Variants in CACNG6 observed in about 807,000 individuals in gnomAD.
The protein encoded by CACNG6 is voltage-dependent calcium channel gamma-6 subunit.
A neutral mutation model predicts 23.9 loss-of-function variants in CACNG6; 21 were observed. The ratio of observed to expected loss-of-function variants is 0.88; its 90% confidence interval spans 0.62 to 1.26. CACNG6 has a LOEUF of 1.26. CACNG6 is among the 50% of genes most tolerant of loss of function. The pLI is 0.00. For synonymous variants in CACNG6, 182 were observed against 168.9 expected (o/e 1.08, Z -0.60); for missense variants, 340 against 352.9 (o/e 0.96, Z 0.29).
At position 53,991,778 on chromosome 19, in the gene CACNG6, G is replaced by A. The variant is rs1467030436; in HGVS notation, c.-1100G>A. ...AGCCCCGAGGGGGGGCCCTGGCCTG[G>A]GGCTGAGCCTGGCGCGAACCCGACC... On this transcript the variant is annotated 5_prime_UTR_variant, in exon 1 of 4. Coordinates refer to ENST00000252729, the MANE Select transcript of CACNG6 (RefSeq NM_145814.2). Among the ~76,000 whole-genome samples, 1 of 152,104 alleles carries A rather than the reference G, an allele frequency of 6.6e-6. No homozygotes were observed. The highest frequency in any genetic ancestry group is 2.4e-5 in the African/African-American group (1 of 41,442).
chr19:53,992,022 TC>T lies in CACNG6; in HGVS notation c.-854del, dbSNP rs1401295282. 6.6e-6 allele frequency among the ~76,000 whole-genome samples: 1 copy of T among 152,116 alleles called. No homozygotes were observed. Among genetic ancestry groups the T allele is most frequent in the Non-Finnish European group, 1.5e-5 (1 of 68,004 alleles). ...GCCCCGTAGCCTCCCGCCTCTGGAC[TC>T]CACTCTGTCTTCCGGCCACCGGCCC... On this transcript the variant is annotated 5_prime_UTR_variant, in exon 1 of 4. Transcript: ENST00000252729. This position sits in a 1 kb window ranked among gnomAD's most constrained non-coding sequence, Gnocchi z 4.1.
chr19:53,991,838 A>G lies in CACNG6; in HGVS notation c.-1040A>G, dbSNP rs2069463802. 6.6e-6 allele frequency among the ~76,000 whole-genome samples: 1 copy of G among 152,086 alleles called. No individual in the cohort carries two copies. Among genetic ancestry groups the G allele is most frequent in the South Asian group, 2.1e-4 (1 of 4,826 alleles). ...CTGGGAGCCCGGGGGAGGGAGACGG[A>G]CTGATCCCGAAGGGGCGCAGCGTCT... On this transcript the variant is annotated 5_prime_UTR_variant, in exon 1 of 4. Transcript: ENST00000252729.
chr19:53,997,512 G>A (rs2069532446), intron 1 of CACNG6, among the ~76,000 whole-genome samples: 1 of 152,050 alleles, frequency 6.6e-6, no homozygotes, highest in South Asian at 2.1e-4. Flanking sequence ...GTACCTCAGA[G>A]TGCCTTCCCA....
chr19:53,992,481 G>T lies in CACNG6; in HGVS notation c.-397G>T, dbSNP rs542584707. 2 of 163,270 alleles carry T rather than the reference G, an allele frequency of 1.2e-5. No individual in the cohort carries two copies. Among genetic ancestry groups the T allele is most frequent in the East Asian group, 3.5e-4 (2 of 5,770 alleles). 10.1% of individuals were successfully genotyped at this position (163,270 alleles called of 1,614,324 possible). A position where few individuals can be genotyped will look rare whatever the true frequency, so the allele number is the denominator to read the frequency against. ...GACCCCAAAGCAGCCCCTTGGAGCT[G>T]CAGGGAGCTTCAGCGGGCACCAGTT... On this transcript the variant is annotated 5_prime_UTR_variant, in exon 1 of 4. Transcript: ENST00000252729. This position sits in a 1 kb window ranked among gnomAD's most constrained non-coding sequence, Gnocchi z 4.1.
Position 54,012,341 on chromosome 19 carries a change from T to A in CACNG6, c.*152T>A, listed in dbSNP as rs1278293548. On this transcript the variant is annotated 3_prime_UTR_variant, in exon 4 of 4. Transcript: ENST00000252729. Reference sequence around the variant, plus strand: ...TACACGCCTGCCTCCTGTCCCCTTATCCTTTCTCCCTCTGTAAATACGTTT... The same window carrying A: ...TACACGCCTGCCTCCTGTCCCCTTAACCTTTCTCCCTCTGTAAATACGTTT... The A allele has an allele frequency of 8.7e-6, 4 of 462,416 alleles. No homozygotes were observed. The highest frequency in any genetic ancestry group is 1.2e-5 in the Non-Finnish European group (3 of 259,804). The allele number at this position is 462,416 out of a possible 1,614,324, so 28.6% of individuals were successfully genotyped here.
chr19:53,999,839 C>T (rs535367933), intron 3 of CACNG6, 68 bp downstream of exon 3: 13 of 1,573,200 alleles, frequency 8.3e-6, no homozygotes, highest in Middle Eastern at 2.2e-4. Flanking sequence ...CTGTTGCATG[C>T]TGGGAGATGG....
intron 1 of CACNG6, among the ~76,000 whole-genome samples, chr19:53,996,448 AG>A (rs1415499820): frequency 2.0e-5 from 3 of 148,562 alleles, no homozygotes; most frequent in African/African-American, 7.5e-5. Flanking sequence ...GCTGGATTGC[AG>A]TGGTGCCATC....
chr19:53,996,061 G>C (rs2145954366), intron 1 of CACNG6, among the ~76,000 whole-genome samples: 1 of 152,358 alleles, frequency 6.6e-6, no homozygotes, highest in East Asian at 1.9e-4. Flanking sequence ...TACTTGGGGA[G>C]CGCCCGCCCA....
intron 1 of CACNG6, among the ~76,000 whole-genome samples, chr19:53,993,708 C>A (rs2069492409): frequency 1.3e-5 from 2 of 149,810 alleles, no homozygotes. Flanking sequence ...CACCCCCAGA[C>A]TAACATGCAC....
chr19:53,993,188 G>GC lies in CACNG6; in HGVS notation c.315dup (p.Ala106ArgfsTer13). ...GTGCCCGTGGACAGGGACACCTGCGGCCCCGCGGAGCTGCCCGGAGGTGAG... is the reference window on the plus strand; with the variant it reads ...GTGCCCGTGGACAGGGACACCTGCGGCCCCCGCGGAGCTGCCCGGAGGTGAG... On this transcript the variant is annotated frameshift_variant, in exon 1 of 4. Transcript: ENST00000252729. LOFTEE classifies it high-confidence loss of function. 6.5e-7 allele frequency: 1 copy of GC among 1,541,680 alleles called. No individual in the cohort carries two copies. Among genetic ancestry groups the GC allele is most frequent in the Non-Finnish European group, 8.7e-7 (1 of 1,145,792 alleles).
At chr19:54,001,063 A>T (rs1332584086) in intron 3 of CACNG6, among the ~76,000 whole-genome samples, 1 of 152,180 alleles carries the variant, frequency 6.6e-6, no homozygotes, top group Non-Finnish European at 1.5e-5. Flanking sequence ...ATTTCAGCTC[A>T]CTACAACCTC....
intron 2 of CACNG6, 64 bp downstream of exon 2, chr19:53,998,377 T>A (rs567203584): frequency 4.6e-5 from 67 of 1,448,384 alleles, no homozygotes; most frequent in Admixed American, 4.0e-4. Context: ...CTGGAGGAGT[T>A]CTAGAGAGAG....
chr19:54,011,430 C>CAAAAAAAAAAA (rs59105087), intron 3 of CACNG6, among the ~76,000 whole-genome samples: 1 of 100,582 alleles, frequency 9.9e-6, no homozygotes, highest in Admixed American at 1.1e-4. Flanking sequence ...GACTCCGTCT[C>CAAAAAAAAAAA]AAAAAAAAAA....
At chr19:54,011,749 A>C (rs1600067310) in intron 3 of CACNG6, among the ~76,000 whole-genome samples, 3 of 138,630 alleles carry the variant, frequency 2.2e-5, no homozygotes, top group South Asian at 4.6e-4. Flanking sequence ...TGTCTCTATG[A>C]CTTTGTGTCT....
chr19:54,009,548 G>A (rs572604044), intron 3 of CACNG6, among the ~76,000 whole-genome samples: 11 of 152,144 alleles, frequency 7.2e-5, no homozygotes, highest in East Asian at 3.9e-4. Context: ...CCTGGGAGGC[G>A]GAAGCTGCAA....
In CACNG6 at chr19:54,011,205, AATATAT is replaced by A. The variant is rs1555819785; in HGVS notation, c.545-728_545-723del. ...CCGTCTCTACTAAAAAAAAAAAAAA[AATATAT>A]ATATATATATATATATACACACACA... On this transcript the variant is annotated intron_variant, in intron 3 of 3. Coordinates refer to ENST00000252729, the MANE Select transcript of CACNG6 (RefSeq NM_145814.2). 4.4e-4 allele frequency among the ~76,000 whole-genome samples: 45 copies of A among 102,500 alleles called. 1 individual carries two copies. Among genetic ancestry groups the A allele is most frequent in the African/African-American group, 1.5e-3 (31 of 20,218 alleles). 67.2% of individuals were successfully genotyped at this position (102,500 alleles called of 152,430 possible).
At chr19:54,002,265 CG>C (rs1175203823) in intron 3 of CACNG6, among the ~76,000 whole-genome samples, 5 of 128,116 alleles carry the variant, frequency 3.9e-5, no homozygotes, top group African/African-American at 1.1e-4. Flanking sequence ...GGCTAATTTT[CG>C]GTTTTTTTGT....
intron 1 of CACNG6, among the ~76,000 whole-genome samples, chr19:53,995,439 T>C (rs1404016477): frequency 6.6e-6 from 1 of 152,134 alleles, no homozygotes; most frequent in East Asian, 1.9e-4. Context: ...AAGTATGGAA[T>C]GTGGGGGTGA....
In CACNG6 at chr19:54,010,808, T is replaced by C. The variant is rs181561495; in HGVS notation, c.545-1143T>C. Among the ~76,000 whole-genome samples the C allele has an allele frequency of 3.9e-5, 6 of 152,146 alleles. No individual in the cohort carries two copies. In the East Asian group the frequency reaches 1.2e-3, roughly 29 times the overall value. On this transcript the variant is annotated intron_variant, in intron 3 of 3. Coordinates refer to ENST00000252729, the MANE Select transcript of CACNG6 (RefSeq NM_145814.2). Reference sequence around the variant, plus strand: ...GTTGCCCAGGCTGGTCTCAAAATCCTGGCCTCAGGCAATCCTTCGTCCTCG... The same window carrying C: ...GTTGCCCAGGCTGGTCTCAAAATCCCGGCCTCAGGCAATCCTTCGTCCTCG...
Sources: allele counts gnomAD v4.1 joint callset (sites outside exome capture counted in the v4.1 genomes callset), GRCh38; gene constraint gnomAD v4.1.1; non-coding constraint Gnocchi (gnomAD v3.1); transcripts MANE v1.5; gene names NCBI Gene and HGNC (gene_info 2026-07-23, HGNC 2026-07-21).